The following CCDC6 variants were observed in gnomAD, a reference collection of about 807,000 sequenced individuals.
CCDC6 encodes the protein coiled-coil domain containing 6, also known as coiled-coil domain-containing protein 6.
In CCDC6, 20 loss-of-function variants were observed where a neutral mutation model predicts 56.6. The observed-to-expected ratio is 0.35, with a 90% CI of 0.25 to 0.51. CCDC6 has a LOEUF of 0.51. Among genes scored for constraint, CCDC6 ranks in the 20% least tolerant of loss-of-function variants. The probability of loss-of-function intolerance (pLI) is 0.95; values close to 1 mark genes in which losing one functional copy is unlikely to be tolerated. For synonymous variants in CCDC6, 241 were observed against 234.4 expected, an observed-to-expected ratio of 1.03 and a Z score of -0.26; for missense variants, 367 against 601.1, an observed-to-expected ratio of 0.61 and a Z score of 4.07.
intron 7 of CCDC6, among the ~76,000 whole-genome samples, chr10:59,795,240 A>G (rs561754150): frequency 2.2e-4 from 34 of 152,310 alleles, no homozygotes; most frequent in East Asian, 1.4e-3. Flanking sequence ...TGCGAAATAC[A>G]TAAGTAACTC....
At chr10:59,812,613 A>G (rs750215864) in intron 5 of CCDC6, 22 bp downstream of exon 5, 40 of 1,571,596 alleles carry the variant, frequency 2.5e-5, no homozygotes, top group Non-Finnish European at 3.4e-5. Context: ...GCATGAAACT[A>G]GTGAAACCAG....
chr10:59,906,508 G>A lies in CCDC6; in HGVS notation c.-84C>T. On this transcript the variant is annotated 5_prime_UTR_variant, in exon 1 of 9. Coordinates refer to ENST00000263102, the MANE Select transcript of CCDC6 (RefSeq NM_005436.5). ...CGGGCTGCGAATGAGTGGGCGCCGG[G>A]CGAGCACAGGGGAGCGCCGAGCTGA... 2 of 1,232,278 alleles carry A rather than the reference G, an allele frequency of 1.6e-6. No individual in the cohort carries two copies. The highest frequency in any genetic ancestry group is 2.1e-6 in the Non-Finnish European group (2 of 932,570). The allele number at this position is 1,232,278 out of a possible 1,614,324, so 76.3% of individuals were successfully genotyped here. A position where few individuals can be genotyped will look rare whatever the true frequency, so the allele number is the denominator to read the frequency against.
intron 5 of CCDC6, among the ~76,000 whole-genome samples, chr10:59,808,939 C>T (rs967174162): frequency 2.6e-5 from 4 of 152,200 alleles, no homozygotes; most frequent in Non-Finnish European, 5.9e-5. Flanking sequence ...ATTACGTGCA[C>T]TAAACACTAA....
At chr10:59,831,239 T>C (rs1219581257) in intron 3 of CCDC6, among the ~76,000 whole-genome samples, 1 of 152,188 alleles carries the variant, frequency 6.6e-6, no homozygotes. Context: ...ATGTATAAAA[T>C]AGCCAGCACT....
Position 59,814,758 on chromosome 10 carries a change from A to C in CCDC6, c.583-3T>G. ...AGGTCAATCTTCTCCCGTCTCAACT[A>C]AAGGAAGGAAAAAAGTGTTACCAAA... On this transcript the variant is annotated splice_region_variant and splice_polypyrimidine_tract_variant and intron_variant, in intron 3 of 8. Coordinates refer to ENST00000263102, the MANE Select transcript of CCDC6 (RefSeq NM_005436.5). The C allele has an allele frequency of 6.3e-7, 1 of 1,588,598 alleles. No individual in the cohort carries two copies. The highest frequency in any genetic ancestry group is 8.6e-7 in the Non-Finnish European group (1 of 1,156,952).
In CCDC6 at chr10:59,791,507, T is replaced by A; in HGVS notation, c.*1410A>T. ...TAAAGAGTTGGCTATTAGAGATGGT[T>A]GTCACAAAACATGGACTCTTAAAAA... On this transcript the variant is annotated 3_prime_UTR_variant, in exon 9 of 9. Coordinates refer to ENST00000263102, the MANE Select transcript of CCDC6 (RefSeq NM_005436.5). The A allele has an allele frequency of 5.1e-6, 1 of 195,820 alleles. No individual in the cohort carries two copies. The highest frequency in any genetic ancestry group is 1.1e-5 in the Non-Finnish European group (1 of 93,936). 12.1% of individuals were successfully genotyped at this position (195,820 alleles called of 1,614,324 possible).
chr10:59,853,615 G>GA (rs11367635), intron 1 of CCDC6, among the ~76,000 whole-genome samples: 60 of 150,536 alleles, frequency 4.0e-4, no homozygotes, highest in South Asian at 1.9e-3. Context: ...ATAATTACTA[G>GA]AAAAAAAAAA....
Position 59,791,900 on chromosome 10 carries a change from T to G in CCDC6, c.*1017A>C. On this transcript the variant is annotated 3_prime_UTR_variant, in exon 9 of 9. Coordinates refer to ENST00000263102, the MANE Select transcript of CCDC6 (RefSeq NM_005436.5). Reference sequence around the variant, plus strand: ...ATGTGCTACTTTCCTTTAGACCTTATTTTCTTTTCTGCCAAGCAATACAAT... The same window carrying G: ...ATGTGCTACTTTCCTTTAGACCTTAGTTTCTTTTCTGCCAAGCAATACAAT... 1 of 220,350 alleles carries G rather than the reference T, an allele frequency of 4.5e-6. No homozygotes were observed. Among genetic ancestry groups the G allele is most frequent in the Non-Finnish European group, 9.1e-6 (1 of 109,714 alleles). The allele number at this position is 220,350 out of a possible 1,614,324, so 13.6% of individuals were successfully genotyped here.
intron 5 of CCDC6, among the ~76,000 whole-genome samples, chr10:59,808,524 T>C (rs557623603): frequency 6.6e-6 from 1 of 152,378 alleles, no homozygotes; most frequent in South Asian, 2.1e-4. Flanking sequence ...TCTTGCTTCA[T>C]TTCTTTTCCT....
chr10:59,869,328 C>A (rs1209144029), intron 1 of CCDC6, among the ~76,000 whole-genome samples: 2 of 127,410 alleles, frequency 1.6e-5, no homozygotes, highest in Non-Finnish European at 3.2e-5. Context: ...TAATCGACCC[C>A]AAACACCTCT....
intron 1 of CCDC6, among the ~76,000 whole-genome samples, chr10:59,895,728 T>C (rs1479263156): frequency 6.6e-6 from 1 of 152,230 alleles, no homozygotes; most frequent in African/African-American, 2.4e-5. Context: ...GCTTTAGTCC[T>C]TGACGTTCTG....
chr10:59,847,034 G>A (rs1564747694), intron 2 of CCDC6, among the ~76,000 whole-genome samples: 1 of 150,152 alleles, frequency 6.7e-6, no homozygotes, highest in Non-Finnish European at 1.5e-5. Flanking sequence ...TGGTGGTTAA[G>A]AGTTTGCCAG....
intron 1 of CCDC6, among the ~76,000 whole-genome samples, chr10:59,900,858 G>C (rs1342337575): frequency 1.3e-5 from 2 of 152,104 alleles, no homozygotes; most frequent in African/African-American, 4.8e-5. Flanking sequence ...CAGGAGTTCT[G>C]AGACCAGCCT....
At position 59,792,055 on chromosome 10, in the gene CCDC6, G is replaced by A. The variant is rs553463518; in HGVS notation, c.*862C>T. ...GAGAACACAAATGAAGTACGAAAGG[G>A]GGAAGCCGCATTGTTTTTGTTACAA... is the stretch of plus-strand genomic sequence containing the variant. On this transcript the variant is annotated 3_prime_UTR_variant, in exon 9 of 9. Coordinates refer to ENST00000263102, the MANE Select transcript of CCDC6 (RefSeq NM_005436.5). 8.8e-6 allele frequency: 2 copies of A among 227,054 alleles called. No individual in the cohort carries two copies. The highest frequency in any genetic ancestry group is 2.2e-5 in the African/African-American group (1 of 44,958). 14.1% of individuals were successfully genotyped at this position (227,054 alleles called of 1,614,324 possible).
chr10:59,886,393 A>G (rs2132679176), intron 1 of CCDC6, among the ~76,000 whole-genome samples: 1 of 152,338 alleles, frequency 6.6e-6, no homozygotes, highest in South Asian at 2.1e-4. Context: ...ACAGACAAGA[A>G]TGAGGAAAAA....
In CCDC6 at chr10:59,804,458, T is replaced by C; in HGVS notation, c.1067A>G (p.Tyr356Cys). Residue 356 changes from tyrosine to cysteine, a missense_variant, in exon 7 of 9, where the codon TAC (tyrosine) becomes TGC (cysteine). Around this residue, in one of 7 missense-constraint regions of CCDC6, gnomAD observed 79 missense variants for 83.9 expected, o/e 0.94. Coordinates refer to ENST00000263102, the MANE Select transcript of CCDC6 (RefSeq NM_005436.5). ...CCTGCTTGAACTCGGAGAAGGTGTGTAAGGGATCGGGCTGGACACAGTGCG... is the reference window on the plus strand; with the variant it reads ...CCTGCTTGAACTCGGAGAAGGTGTGCAAGGGATCGGGCTGGACACAGTGCG... ...RPRTVSSPIP[Y>C]TPSPSSSRPI... is the part of the protein sequence containing the mutation. 2 of 1,613,228 alleles carry C rather than the reference T, an allele frequency of 1.2e-6. No homozygotes were observed. Among genetic ancestry groups the C allele is most frequent in the Non-Finnish European group, 1.7e-6 (2 of 1,179,200 alleles).
intron 1 of CCDC6, among the ~76,000 whole-genome samples, chr10:59,897,262 T>A (rs2132686384): frequency 6.6e-6 from 1 of 152,244 alleles, no homozygotes; most frequent in Admixed American, 6.5e-5. Flanking sequence ...GATAATTTTT[T>A]TTTTTTTTGA....
At chr10:59,820,236 T>C (rs2132636281) in intron 3 of CCDC6, among the ~76,000 whole-genome samples, 1 of 152,284 alleles carries the variant, frequency 6.6e-6, no homozygotes, top group Admixed American at 6.5e-5. Flanking sequence ...ACTACGATGC[T>C]GGGGTGGGAG....
intron 3 of CCDC6, among the ~76,000 whole-genome samples, chr10:59,815,997 C>G: frequency 6.6e-6 from 1 of 152,168 alleles, no homozygotes; most frequent in East Asian, 1.9e-4. Context: ...TGAAACTCTT[C>G]GTAGCTTAGT....
Sources: allele counts gnomAD v4.1 joint callset (sites outside exome capture counted in the v4.1 genomes callset), GRCh38; gene constraint gnomAD v4.1.1; regional missense constraint gnomAD v4.1.1; transcripts MANE v1.5; gene names NCBI Gene and HGNC (gene_info 2026-07-23, HGNC 2026-07-21).